YWHAG: variants seen among roughly 807,000 people sequenced by gnomAD.
YWHAG encodes the protein 14-3-3 protein gamma.
In YWHAG, 1 loss-of-function variant was observed where a neutral mutation model predicts 23.3. The ratio of observed to expected loss-of-function variants is 0.04; its 90% CI spans 0.02 to 0.20. The LOEUF (loss-of-function observed/expected upper bound fraction) is 0.20, where lower values mean the gene tolerates loss of function less well. Ranked by LOEUF, YWHAG falls within the 10% of genes least tolerant of loss-of-function variation. YWHAG has a pLI of 1.00. For missense variants in YWHAG, 151 were observed against 338.6 expected (o/e 0.45, Z 4.35); for synonymous variants, 160 against 144.0 (o/e 1.11, Z -0.80).
At chr7:76,331,361 A>G (rs181495568) in intron 1 of YWHAG, among the ~76,000 whole-genome samples, 1 of 152,206 alleles carries the variant, frequency 6.6e-6, no homozygotes, top group African/African-American at 2.4e-5. Context: ...GTGTTGATCA[A>G]CTGCAGCATC....
chr7:76,338,299 A>G (rs181740853), intron 1 of YWHAG, among the ~76,000 whole-genome samples: 17 of 152,306 alleles, frequency 1.1e-4, no homozygotes, highest in Non-Finnish European at 1.9e-4. Flanking sequence ...AATTGTGCAG[A>G]GGGAAACATT....
intron 1 of YWHAG, among the ~76,000 whole-genome samples, chr7:76,331,672 TG>T (rs1458581661): frequency 6.6e-6 from 1 of 151,794 alleles, no homozygotes; most frequent in Non-Finnish European, 1.5e-5. Context: ...TCCTGGGGCA[TG>T]GGGGAACTGA....
Position 76,329,489 on chromosome 7 carries a change from T to TACCGCCCCCCCCCC in YWHAG, c.*87_*88insGGGGGGGGGGCGGT. On this transcript the variant is annotated 3_prime_UTR_variant, in exon 2 of 2. Coordinates refer to ENST00000307630, the MANE Select transcript of YWHAG (RefSeq NM_012479.4). The surrounding 1 kb of genome is among the most constrained non-coding windows in gnomAD (Gnocchi z 6.1). ...TCCCTGGGAAGGTCATCCCTCCCTT[T>TACCGCCCCCCCCCC]CCCTCCCCCACCCGACCCCCAACTC... 9.8e-7 allele frequency: 1 copy of TACCGCCCCCCCCCC among 1,024,228 alleles called. No individual in the cohort carries two copies. Among genetic ancestry groups the TACCGCCCCCCCCCC allele is most frequent in the Non-Finnish European group, 1.4e-6 (1 of 740,082 alleles). 63.4% of individuals were successfully genotyped at this position (1,024,228 alleles called of 1,614,324 possible).
chr7:76,330,207 C>T lies in YWHAG; in HGVS notation c.114G>A (p.Ser38=), dbSNP rs749090391. 1.5e-5 allele frequency: 24 copies of T among 1,611,170 alleles called. 1 individual carries two copies. The highest frequency in any genetic ancestry group is 1.6e-4 in the Middle Eastern group (1 of 6,084). Residue 38 remains serine (S), a synonymous_variant, in exon 2 of 2, where the codon TCG becomes TCA. Transcript: ENST00000307630. ...CAGACAGAAGGTTTCGTTCCTCATT[C>T]GACAGTGGCTCATTCAGCTCTGTCA... ...KNVTELNEPL[S]NEERNLLSVA...
chr7:76,336,755 CTT>C (rs36057808), intron 1 of YWHAG, among the ~76,000 whole-genome samples: 125 of 133,182 alleles, frequency 9.4e-4, no homozygotes, highest in African/African-American at 3.1e-3. Flanking sequence ...GGTGCCCGGT[CTT>C]TTTTTTTTTT....
At chr7:76,347,851 T>C (rs1454985190) in intron 1 of YWHAG, among the ~76,000 whole-genome samples, 1 of 152,228 alleles carries the variant, frequency 6.6e-6, no homozygotes, top group Non-Finnish European at 1.5e-5. Flanking sequence ...TCATGCCTCC[T>C]GGCAATATCT....
Position 76,329,549 on chromosome 7 carries a change from C to A in YWHAG, c.*28G>T, listed in dbSNP as rs756051646. On this transcript the variant is annotated 3_prime_UTR_variant, in exon 2 of 2. Coordinates refer to ENST00000307630, the MANE Select transcript of YWHAG (RefSeq NM_012479.4). The surrounding 1 kb of genome is among the most constrained non-coding windows in gnomAD (Gnocchi z 6.1). ...AAATAAAGACTGCAGTAGTAGCATC[C>A]GCGTGCGCTGCCAGTTCCCCTGGGG... 1 of 1,567,842 alleles carries A rather than the reference C, an allele frequency of 6.4e-7. No individual in the cohort carries two copies. Among genetic ancestry groups the A allele is most frequent in the East Asian group, 2.3e-5 (1 of 43,630 alleles).
Position 76,329,917 on chromosome 7 carries a change from G to C in YWHAG, c.404C>G (p.Ala135Gly). The change falls in exon 2 of 2, where the codon GCT (alanine) becomes GGT (glycine). Residue 135 changes from alanine (A) to glycine (G), a missense_variant. Transcript: ENST00000307630. The surrounding 1 kb of genome is among the most constrained non-coding windows in gnomAD (Gnocchi z 6.1). ...KMKGDYYRYL[A>G]EVATGEKRAT... ...CCTTTTCTCTCCGGTGGCCACTTCA[G>C]CCAGGTAGCGGTAGTAGTCCCCTTT... 6.2e-7 allele frequency: 1 copy of C among 1,614,128 alleles called. No individual in the cohort carries two copies. Among genetic ancestry groups the C allele is most frequent in the Non-Finnish European group, 8.5e-7 (1 of 1,180,040 alleles).
rs192477563 is a variant in YWHAG, at chr7:76,351,939, G to A, written c.87+6783C>T. On this transcript the variant is annotated intron_variant, in intron 1 of 1. Coordinates refer to ENST00000307630, the MANE Select transcript of YWHAG (RefSeq NM_012479.4). ...CTGTCTTCCATGAAACGGGTCCCTG[G>A]TGCCAAAAAGGTTGGGGACCACTGC... Among the ~76,000 whole-genome samples the A allele has an allele frequency of 2.8e-3, 432 of 152,210 alleles. 2 individuals carry two copies. Among genetic ancestry groups the A allele is most frequent in the Non-Finnish European group, 4.0e-3 (271 of 68,018 alleles).
chr7:76,349,199 G>A (rs957149797), intron 1 of YWHAG, among the ~76,000 whole-genome samples: 5 of 151,876 alleles, frequency 3.3e-5, no homozygotes, highest in South Asian at 2.1e-4. Context: ...AAAGTTAGCC[G>A]GGCGTGGTGG....
chr7:76,342,657 G>A (rs1055917287), intron 1 of YWHAG, among the ~76,000 whole-genome samples: 5 of 152,068 alleles, frequency 3.3e-5, no homozygotes, highest in African/African-American at 9.6e-5. Context: ...CCCTAAATGC[G>A]CTCCTGCTTA....
At chr7:76,351,229 A>C (rs1803868252) in intron 1 of YWHAG, among the ~76,000 whole-genome samples, 1 of 152,196 alleles carries the variant, frequency 6.6e-6, no homozygotes, top group Non-Finnish European at 1.5e-5. Context: ...TCCAAAGACT[A>C]CAGACTCCCT....
At chr7:76,335,573 G>A (rs1261908644) in intron 1 of YWHAG, among the ~76,000 whole-genome samples, 3 of 152,168 alleles carry the variant, frequency 2.0e-5, no homozygotes, top group Non-Finnish European at 4.4e-5. Context: ...GAAATTCTTG[G>A]AAAGCTACTT....
chr7:76,331,187 A>C (rs1238746065), intron 1 of YWHAG, among the ~76,000 whole-genome samples: 1 of 152,122 alleles, frequency 6.6e-6, no homozygotes, highest in African/African-American at 2.4e-5. Context: ...GCAGGATCAC[A>C]GATCACTGCA....
chr7:76,329,492 CT>C lies in YWHAG; in HGVS notation c.*84del. On this transcript the variant is annotated 3_prime_UTR_variant, in exon 2 of 2. Coordinates refer to ENST00000307630, the MANE Select transcript of YWHAG (RefSeq NM_012479.4). The surrounding 1 kb of genome is among the most constrained non-coding windows in gnomAD (Gnocchi z 6.1). ...CTGGGAAGGTCATCCCTCCCTTTCCCTCCCCCACCCGACCCCCAACTCATGG... is the reference window on the plus strand; with the variant it reads ...CTGGGAAGGTCATCCCTCCCTTTCCCCCCCCACCCGACCCCCAACTCATGG... The C allele has an allele frequency of 7.0e-5, 75 of 1,070,674 alleles. No homozygotes were observed. Among genetic ancestry groups the C allele is most frequent in the East Asian group, 1.1e-4 (3 of 28,334 alleles). The allele number at this position is 1,070,674 out of a possible 1,614,324, so 66.3% of individuals were successfully genotyped here.
At chr7:76,348,214 T>C (rs1803815235) in intron 1 of YWHAG, among the ~76,000 whole-genome samples, 1 of 151,338 alleles carries the variant, frequency 6.6e-6, no homozygotes, top group Admixed American at 6.6e-5. Flanking sequence ...ACTTTACCCA[T>C]GACCCCTTTT....
chr7:76,332,488 G>A (rs866273296), intron 1 of YWHAG, among the ~76,000 whole-genome samples: 1 of 152,076 alleles, frequency 6.6e-6, no homozygotes, highest in African/African-American at 2.4e-5. Context: ...CTTTCATAAG[G>A]TAATATACAG....
In YWHAG at chr7:76,351,082, A is replaced by G. The variant is rs368973178; in HGVS notation, c.87+7640T>C. Among the ~76,000 whole-genome samples the G allele has an allele frequency of 2.6e-5, 4 of 152,334 alleles. No homozygotes were observed. In the East Asian group the frequency reaches 5.8e-4, roughly 22 times the overall value. ...AGGTGCAAAAGAATATAAACTGTAG[A>G]AAAAGACACGATGGAAATATCCCTG... On this transcript the variant is annotated intron_variant, in intron 1 of 1. Transcript: ENST00000307630.
chr7:76,351,586 C>CCG (rs1158375000), intron 1 of YWHAG, among the ~76,000 whole-genome samples: 15 of 152,278 alleles, frequency 9.9e-5, no homozygotes, highest in African/African-American at 3.6e-4. Flanking sequence ...CACCTGAGCT[C>CCG]CGCCTCCTGT....
Sources: allele counts gnomAD v4.1 joint callset (sites outside exome capture counted in the v4.1 genomes callset), GRCh38; gene constraint gnomAD v4.1.1; non-coding constraint Gnocchi (gnomAD v3.1); transcripts MANE v1.5; gene names NCBI Gene and HGNC (gene_info 2026-07-23, HGNC 2026-07-21).